Variants in RIMS2 observed in about 807,000 individuals in gnomAD.
The protein encoded by RIMS2 is regulating synaptic membrane exocytosis protein 2.
A neutral mutation model predicts 174.4 loss-of-function variants in RIMS2; 59 were observed. That is an observed-to-expected ratio of 0.34 (90% CI 0.27 to 0.42). The LOEUF is 0.42. Among genes scored for constraint, RIMS2 ranks in the 10% least tolerant of loss-of-function variants. The pLI, the probability that RIMS2 is intolerant of heterozygous loss-of-function variation, is 1.00. For synonymous variants in RIMS2, 606 were observed against 572.5 expected, an observed-to-expected ratio of 1.06 and a Z score of -0.84; for missense variants, 1,620 against 1,666.3, an observed-to-expected ratio of 0.97 and a Z score of 0.48.
At chr8:103,797,034 T>A (rs907987056) in intron 3 of RIMS2, among the ~76,000 whole-genome samples, 1 of 152,116 alleles carries the variant, frequency 6.6e-6, no homozygotes, top group Admixed American at 6.6e-5. Context: ...AGGGAAGGCA[T>A]TGCTTAAGAT....
At chr8:103,708,781 G>C (rs770631359) in intron 2 of RIMS2, among the ~76,000 whole-genome samples, 1 of 151,896 alleles carries the variant, frequency 6.6e-6, no homozygotes, top group Admixed American at 6.6e-5. Context: ...TTGTTTTTTT[G>C]GTGTATTTTT....
chr8:103,681,491 A>G (rs13262003), intron 1 of RIMS2, among the ~76,000 whole-genome samples: 26,714 of 151,946 alleles, frequency 0.18, 2,553 homozygotes, highest in African/African-American at 0.23. Flanking sequence ...TACCAAGGGT[A>G]TGATCAATTA....
intron 19 of RIMS2, among the ~76,000 whole-genome samples, chr8:104,112,461 A>G (rs2098204673): frequency 6.6e-6 from 1 of 152,108 alleles, no homozygotes; most frequent in Non-Finnish European, 1.5e-5. Flanking sequence ...ACATACGTAT[A>G]TGATATATAC....
At chr8:103,635,407 G>T (rs2096052862) in intron 1 of RIMS2, among the ~76,000 whole-genome samples, 1 of 152,220 alleles carries the variant, frequency 6.6e-6, no homozygotes, top group African/African-American at 2.4e-5. Context: ...AGGCCTGGAT[G>T]ACCCACCCAG....
intron 1 of RIMS2, among the ~76,000 whole-genome samples, chr8:103,518,574 A>G (rs1034413353): frequency 1.3e-5 from 2 of 151,750 alleles, no homozygotes; most frequent in African/African-American, 4.8e-5. Context: ...TAATTTATAT[A>G]TTGATTTTTA....
At chr8:103,972,063 A>G (rs1179625587) in intron 15 of RIMS2, among the ~76,000 whole-genome samples, 1 of 152,132 alleles carries the variant, frequency 6.6e-6, no homozygotes, top group African/African-American at 2.4e-5. Flanking sequence ...TTAAAGTCCC[A>G]TGGCTTTAAA....
chr8:103,663,484 C>T (rs946744988), intron 1 of RIMS2, among the ~76,000 whole-genome samples: 1 of 152,150 alleles, frequency 6.6e-6, no homozygotes, highest in Admixed American at 6.5e-5. Context: ...CATTCCTATA[C>T]ACCAATAATA....
intron 3 of RIMS2, among the ~76,000 whole-genome samples, chr8:103,798,684 T>A (rs192914314): frequency 9.2e-5 from 14 of 152,284 alleles, no homozygotes; most frequent in Non-Finnish European, 2.1e-4. Context: ...AAAGATTCGT[T>A]CATGTGGGAA....
intron 1 of RIMS2, among the ~76,000 whole-genome samples, chr8:103,596,518 T>C (rs778368045): frequency 1.4e-4 from 22 of 152,186 alleles, no homozygotes; most frequent in Middle Eastern, 6.8e-3. Context: ...ATATTAATAA[T>C]ATCTTTGTGT....
chr8:103,504,475 T>C (rs1215664943), intron 1 of RIMS2, among the ~76,000 whole-genome samples: 2 of 152,156 alleles, frequency 1.3e-5, no homozygotes, highest in Admixed American at 6.5e-5. Flanking sequence ...AAAAAATGTC[T>C]GAGGAAAGCA....
chr8:103,588,130 A>C (rs972361636), intron 1 of RIMS2, among the ~76,000 whole-genome samples: 3 of 151,976 alleles, frequency 2.0e-5, no homozygotes, highest in African/African-American at 7.2e-5. Context: ...GTGAAAAAGA[A>C]AAAAACAATT....
At chr8:103,808,480 T>C (rs1027560989) in intron 3 of RIMS2, among the ~76,000 whole-genome samples, 3 of 152,178 alleles carry the variant, frequency 2.0e-5, no homozygotes, top group African/African-American at 4.8e-5. Flanking sequence ...CCTAAAGTTA[T>C]ATCTTCAGTT....
At chr8:104,064,877 T>C (rs539606841) in intron 19 of RIMS2, among the ~76,000 whole-genome samples, 1 of 152,192 alleles carries the variant, frequency 6.6e-6, no homozygotes, top group Admixed American at 6.5e-5. Context: ...TGATATTTGA[T>C]TTGATTTCTA....
intron 2 of RIMS2, among the ~76,000 whole-genome samples, chr8:103,729,031 G>GT (rs2097560386): frequency 6.6e-6 from 1 of 151,732 alleles, no homozygotes; most frequent in South Asian, 2.1e-4. Flanking sequence ...TTGGCCTTTA[G>GT]TTTTTTTGTT....
chr8:103,873,976 A>G (rs575291551), intron 3 of RIMS2, among the ~76,000 whole-genome samples: 2 of 152,212 alleles, frequency 1.3e-5, no homozygotes, highest in South Asian at 2.1e-4. Flanking sequence ...AAAATTAAAG[A>G]TAATTTATTT....
intron 1 of RIMS2, among the ~76,000 whole-genome samples, chr8:103,695,238 T>C (rs1440319754): frequency 6.6e-6 from 1 of 152,170 alleles, no homozygotes; most frequent in Non-Finnish European, 1.5e-5. Flanking sequence ...TTTCCTTAGG[T>C]CTCATGAAGG....
intron 3 of RIMS2, among the ~76,000 whole-genome samples, chr8:103,784,294 T>C (rs2098420043): frequency 6.7e-6 from 1 of 150,230 alleles, no homozygotes; most frequent in Admixed American, 6.6e-5. Context: ...TTGTCAATTT[T>C]GGCTTTTGTT....
intron 1 of RIMS2, among the ~76,000 whole-genome samples, chr8:103,687,355 C>A (rs1220366168): frequency 6.8e-6 from 1 of 147,058 alleles, no homozygotes; most frequent in Admixed American, 6.7e-5. Context: ...CGAGGTTTAT[C>A]AATTTTAGTG....
exon 22 of RIMS2, chr8:104,249,499 T>C: frequency 6.3e-7 from 1 of 1,596,820 alleles, no homozygotes; most frequent in Non-Finnish European, 8.6e-7. Flanking sequence ...GACATTCAGG[T>C]AGGAATGATG....
Sources: allele counts gnomAD v4.1 joint callset (sites outside exome capture counted in the v4.1 genomes callset), GRCh38; gene constraint gnomAD v4.1.1; transcripts MANE v1.5; gene names NCBI Gene and HGNC (gene_info 2026-07-23, HGNC 2026-07-21).